The following COL21A1 variants were observed in gnomAD, a reference collection of about 807,000 sequenced individuals.
COL21A1 encodes collagen type XXI alpha 1 chain, also known as collagen alpha-1(XXI) chain.
In COL21A1, 149 loss-of-function variants were observed where a neutral mutation model predicts 137.9. That is an observed-to-expected ratio of 1.08 (90% CI 0.95 to 1.24). The LOEUF (loss-of-function observed/expected upper bound fraction) is 1.24, where lower values mean the gene tolerates loss of function less well. Ranked by LOEUF, COL21A1 falls within the 50% of genes most tolerant of loss-of-function variation. The pLI is 0.00. For synonymous variants in COL21A1, 456 were observed against 391.5 expected, an observed-to-expected ratio of 1.16 and a Z score of -1.95; for missense variants, 1,167 against 1,158.4, an observed-to-expected ratio of 1.01 and a Z score of -0.11.
chr6:56,117,708 C>G (rs1772065296), intron 16 of COL21A1, among the ~76,000 whole-genome samples: 1 of 151,740 alleles, frequency 6.6e-6, no homozygotes, highest in Non-Finnish European at 1.5e-5. Flanking sequence ...TTCAAACATT[C>G]CAAAAATGGA....
intron 1 of COL21A1, among the ~76,000 whole-genome samples, chr6:56,276,117 A>G (rs1423085315): frequency 6.6e-6 from 1 of 152,190 alleles, no homozygotes; most frequent in Non-Finnish European, 1.5e-5. Flanking sequence ...TTAACACAGG[A>G]ACAGAATGCT....
At chr6:56,209,750 C>A (rs1478516002) in intron 1 of COL21A1, among the ~76,000 whole-genome samples, 1 of 152,092 alleles carries the variant, frequency 6.6e-6, no homozygotes, top group Non-Finnish European at 1.5e-5. Flanking sequence ...CTAGAAATAC[C>A]ATTTGACCCA....
chr6:56,234,503 A>G (rs1356900705), intron 1 of COL21A1, among the ~76,000 whole-genome samples: 1 of 151,822 alleles, frequency 6.6e-6, no homozygotes, highest in Non-Finnish European at 1.5e-5. Flanking sequence ...TATATTTTCT[A>G]TTATCTCTAA....
At chr6:56,243,412 G>C (rs144619916) in intron 1 of COL21A1, among the ~76,000 whole-genome samples, 1,966 of 152,184 alleles carry the variant, frequency 0.013, 16 homozygotes, top group Non-Finnish European at 0.021. Context: ...GAAACTTTAA[G>C]TACCTCACTT....
chr6:56,252,960 T>C (rs1043474069), intron 1 of COL21A1, among the ~76,000 whole-genome samples: 1 of 152,212 alleles, frequency 6.6e-6, no homozygotes, highest in Non-Finnish European at 1.5e-5. Context: ...TCCAGTTTGA[T>C]GGATAAATCG....
intron 22 of COL21A1, 25 bp from the exon 23 acceptor site, chr6:56,067,355 A>T (rs763027418): frequency 1.3e-6 from 2 of 1,595,284 alleles, no homozygotes; most frequent in Admixed American, 1.7e-5. Flanking sequence ...TTTGATCTGT[A>T]TCATAATCTA....
intron 25 of COL21A1, among the ~76,000 whole-genome samples, 188 bp downstream of exon 25, chr6:56,061,461 A>G (rs894999558): frequency 2.0e-5 from 3 of 152,176 alleles, no homozygotes; most frequent in Non-Finnish European, 4.4e-5. Context: ...GACAATTCAC[A>G]TTTCATATCA....
chr6:56,238,403 G>A lies in COL21A1; in HGVS notation c.-39+8984C>T, dbSNP rs151044749. Among the ~76,000 whole-genome samples the A allele has an allele frequency of 5.6e-3, 834 of 149,378 alleles. 15 individuals carry two copies. The highest frequency in any genetic ancestry group is 0.04 in the Admixed American group (602 of 14,990). Reference sequence around the variant, plus strand: ...TGAAGGCACCTGCTGAGAAGGCAGTGGATGCTGAAACTCGGGGCAGTCTTC... The same window carrying A: ...TGAAGGCACCTGCTGAGAAGGCAGTAGATGCTGAAACTCGGGGCAGTCTTC... On this transcript the variant is annotated intron_variant, in intron 1 of 29. Coordinates refer to ENST00000244728, the MANE Select transcript of COL21A1 (RefSeq NM_030820.4).
upstream of COL21A1, among the ~76,000 whole-genome samples, chr6:56,250,158 A>T (rs938734445): frequency 7.9e-5 from 12 of 152,248 alleles, no homozygotes; most frequent in Admixed American, 7.8e-4. Flanking sequence ...TTAGGGAAAT[A>T]TTCATAGGGT....
rs146898850 is a variant in COL21A1 at position 56,235,426 on chromosome 6, T to C, written c.-39+11961A>G. 1.2e-4 allele frequency among the ~76,000 whole-genome samples: 19 copies of C among 152,032 alleles called. No individual in the cohort carries two copies. In the East Asian group the frequency reaches 2.3e-3, roughly 19 times the overall value. ...GATTGTTTAATATTCTAAGCCTCACTTCTGTTTGTGAGCACTTACAAAACT... is the reference window on the plus strand; with the variant it reads ...GATTGTTTAATATTCTAAGCCTCACCTCTGTTTGTGAGCACTTACAAAACT... On this transcript the variant is annotated intron_variant, in intron 1 of 29. Coordinates refer to ENST00000244728, the MANE Select transcript of COL21A1 (RefSeq NM_030820.4).
chr6:56,318,749 A>G (rs1764800728), intron 1 of COL21A1, among the ~76,000 whole-genome samples: 1 of 152,052 alleles, frequency 6.6e-6, no homozygotes, highest in Non-Finnish European at 1.5e-5. Flanking sequence ...TCCTTCTCTA[A>G]TAGATTATTC....
chr6:56,328,644 CTTCT>C (rs1167382692), intron 1 of COL21A1, among the ~76,000 whole-genome samples: 2 of 152,076 alleles, frequency 1.3e-5, no homozygotes, highest in African/African-American at 2.4e-5. Flanking sequence ...AGAAACAAAA[CTTCT>C]TTCTAATTTG....
At chr6:56,227,292 A>G (rs142739770) in intron 1 of COL21A1, among the ~76,000 whole-genome samples, 2 of 152,168 alleles carry the variant, frequency 1.3e-5, no homozygotes, top group African/African-American at 4.8e-5. Context: ...AAGCAAGAAA[A>G]CTGGTCTCAT....
chr6:56,096,200 T>G (rs1024580678), intron 17 of COL21A1, among the ~76,000 whole-genome samples: 2 of 151,952 alleles, frequency 1.3e-5, no homozygotes, highest in African/African-American at 4.8e-5. Flanking sequence ...TACAGCCTCA[T>G]GTAAGGTTAT....
intron 9 of COL21A1, among the ~76,000 whole-genome samples, chr6:56,157,622 T>C (rs1471790867): frequency 1.3e-5 from 2 of 152,196 alleles, no homozygotes; most frequent in African/African-American, 2.4e-5. Flanking sequence ...TTATATCGTA[T>C]AGGTTCTACA....
chr6:56,262,921 A>T (rs1351898338), intron 1 of COL21A1, among the ~76,000 whole-genome samples: 1 of 152,184 alleles, frequency 6.6e-6, no homozygotes, highest in Non-Finnish European at 1.5e-5. Flanking sequence ...ACAGCAACCA[A>T]ATTCAGAATA....
At chr6:56,118,923 T>C (rs1772194727) in intron 16 of COL21A1, among the ~76,000 whole-genome samples, 1 of 152,012 alleles carries the variant, frequency 6.6e-6, no homozygotes, top group Non-Finnish European at 1.5e-5. Flanking sequence ...AGAAGGAACA[T>C]ACCTCAACAT....
chr6:56,074,349 A>T, intron 19 of COL21A1, 64 bp from the exon 20 acceptor site: 2 of 1,081,856 alleles, frequency 1.8e-6, no homozygotes, highest in South Asian at 3.0e-5. Context: ...TATTAAATCA[A>T]TTTCCAAGTT....
At chr6:56,356,440 A>C (rs994488092) in intron 1 of COL21A1, among the ~76,000 whole-genome samples, 1 of 152,214 alleles carries the variant, frequency 6.6e-6, no homozygotes, top group South Asian at 2.1e-4. Context: ...TCTGCCCCCC[A>C]AAGAGACAAA....
Sources: gnomAD v4.1 joint callset for allele counts (sites outside exome capture counted in the v4.1 genomes callset) on GRCh38, gnomAD v4.1.1 for gene constraint, MANE v1.5 for transcripts, NCBI Gene and HGNC (gene_info 2026-07-23, HGNC 2026-07-21) for gene names.